The following FNDC3B variants were observed in gnomAD, a reference collection of about 807,000 sequenced individuals.
FNDC3B encodes the protein fibronectin type III domain-containing protein 3B.
In FNDC3B, 12 loss-of-function variants were observed where a neutral mutation model predicts 151.5. The observed-to-expected ratio is 0.08, with a 90% CI of 0.05 to 0.13. The LOEUF (loss-of-function observed/expected upper bound fraction) is 0.13. Among genes scored for constraint, FNDC3B ranks in the 10% least tolerant of loss-of-function variants. The pLI, the probability that FNDC3B is intolerant of heterozygous loss-of-function variation, is 1.00. For synonymous variants in FNDC3B, 528 were observed against 549.0 expected, an observed-to-expected ratio of 0.96 and a Z score of 0.54; for missense variants, 1,214 against 1,505.3, an observed-to-expected ratio of 0.81 and a Z score of 3.20.
chr3:172,306,680 T>A (rs989018338), intron 9 of FNDC3B, among the ~76,000 whole-genome samples: 2 of 152,222 alleles, frequency 1.3e-5, no homozygotes, highest in African/African-American at 4.8e-5. Context: ...TCATGGCTTC[T>A]CTGGAGAAAT....
chr3:172,376,729 C>T (rs569881379), intron 23 of FNDC3B, among the ~76,000 whole-genome samples: 1 of 151,916 alleles, frequency 6.6e-6, no homozygotes, highest in African/African-American at 2.4e-5. Context: ...CTTCCTTACA[C>T]AGCAAAGCAG....
In FNDC3B at chr3:172,382,764, G is replaced by T. The variant is rs546351768; in HGVS notation, c.3303+1671G>T. On this transcript the variant is annotated intron_variant, in intron 25 of 25. Transcript: ENST00000415807. ...TCTTGTTTTTGTCAGGTTTGTCAAA[G>T]ATCAGATGGTTGTAGATGTGTGGTG... Among the ~76,000 whole-genome samples the T allele has an allele frequency of 7.2e-5, 11 of 152,296 alleles. No homozygotes were observed. The South Asian group carries it at 2.3e-3, about 32-fold the overall frequency.
chr3:172,381,830 A>G (rs973751936), intron 25 of FNDC3B, among the ~76,000 whole-genome samples: 5 of 152,132 alleles, frequency 3.3e-5, no homozygotes, highest in African/African-American at 1.2e-4. Context: ...ACAGTATTCC[A>G]TGGTGTATAT....
At chr3:172,215,160 G>A (rs1725913244) in intron 3 of FNDC3B, among the ~76,000 whole-genome samples, 1 of 152,186 alleles carries the variant, frequency 6.6e-6, no homozygotes, top group Non-Finnish European at 1.5e-5. Context: ...CATGACCTAG[G>A]AATTGTAAAG....
chr3:172,084,465 A>G (rs1422950298), intron 1 of FNDC3B, among the ~76,000 whole-genome samples: 1 of 149,044 alleles, frequency 6.7e-6, no homozygotes, highest in African/African-American at 2.5e-5. Flanking sequence ...AAAAATATGT[A>G]TATGTATACA....
intron 4 of FNDC3B, among the ~76,000 whole-genome samples, chr3:172,228,091 G>C (rs1301662695): frequency 1.3e-5 from 2 of 151,708 alleles, no homozygotes; most frequent in Admixed American, 6.6e-5. Context: ...TTCTTACTGA[G>C]TTACTTACTT....
intron 1 of FNDC3B, among the ~76,000 whole-genome samples, chr3:172,067,712 C>T (rs891397659): frequency 2.6e-5 from 4 of 152,032 alleles, no homozygotes; most frequent in Admixed American, 1.3e-4. Context: ...ACTTAACAGG[C>T]CCATTAAGAA....
chr3:172,350,858 A>T (rs2108322095), intron 21 of FNDC3B, among the ~76,000 whole-genome samples: 2 of 152,322 alleles, frequency 1.3e-5, no homozygotes, highest in South Asian at 4.1e-4. Context: ...AAAAACAAAA[A>T]ACAAAACAAA....
chr3:172,059,430 A>G (rs1276818320), intron 1 of FNDC3B, among the ~76,000 whole-genome samples: 1 of 152,174 alleles, frequency 6.6e-6, no homozygotes. Flanking sequence ...AAGCTTATAT[A>G]TAAAGGACTT....
At chr3:172,174,900 T>C (rs1419414128) in intron 3 of FNDC3B, among the ~76,000 whole-genome samples, 1 of 144,134 alleles carries the variant, frequency 6.9e-6, no homozygotes, top group Non-Finnish European at 1.5e-5. Flanking sequence ...AAATTGCTGA[T>C]TCTCTGTGGA....
intron 4 of FNDC3B, chr3:172,237,198 C>G (rs1297105680): frequency 1.3e-5 from 2 of 152,408 alleles, no homozygotes; most frequent in East Asian, 3.9e-4. Context: ...CCAGTACCTT[C>G]AGTACCTTCA....
At chr3:172,316,021 T>TA in intron 11 of FNDC3B, among the ~76,000 whole-genome samples, 1 of 148,024 alleles carries the variant, frequency 6.8e-6, no homozygotes, top group Non-Finnish European at 1.5e-5. Flanking sequence ...TTTTTTTTTT[T>TA]TTTGAGATGG....
intron 3 of FNDC3B, among the ~76,000 whole-genome samples, chr3:172,175,151 G>GTC (rs139650604): frequency 1.3e-5 from 2 of 151,858 alleles, no homozygotes; most frequent in Non-Finnish European, 2.9e-5. Context: ...CCTTGCCGTT[G>GTC]TCTCTCTCAG....
intron 6 of FNDC3B, among the ~76,000 whole-genome samples, chr3:172,263,166 T>C (rs914470273): frequency 2.0e-5 from 3 of 151,504 alleles, no homozygotes; most frequent in Non-Finnish European, 4.4e-5. Flanking sequence ...AATTACCTCA[T>C]GAAAGCAACA....
intron 3 of FNDC3B, among the ~76,000 whole-genome samples, chr3:172,157,398 C>T (rs1227352370): frequency 6.6e-6 from 1 of 152,000 alleles, no homozygotes; most frequent in East Asian, 1.9e-4. Flanking sequence ...ATGGTAACAT[C>T]TTGCATAACT....
At chr3:172,061,600 T>G (rs183291524) in intron 1 of FNDC3B, among the ~76,000 whole-genome samples, 59 of 152,344 alleles carry the variant, frequency 3.9e-4, no homozygotes, top group African/African-American at 1.4e-3. Flanking sequence ...TGAAGCAGAT[T>G]CTTTTCCTAA....
intron 4 of FNDC3B, among the ~76,000 whole-genome samples, chr3:172,246,943 C>T (rs1408534358): frequency 6.6e-6 from 1 of 152,162 alleles, no homozygotes; most frequent in Admixed American, 6.5e-5. Context: ...GTCAGAATCC[C>T]TCATTTCATC....
rs746738069 is a variant in FNDC3B, at chr3:172,329,084, G to GT, written c.1379+11dup. On this transcript the variant is annotated intron_variant, in intron 12 of 25. Coordinates refer to ENST00000415807, the MANE Select transcript of FNDC3B (RefSeq NM_022763.4). ...AAACGACATTGGTACCAGGTATGACGTTTCCTTGTCCTCTTGCCCTTCAGC... is the reference window on the plus strand; with the variant it reads ...AAACGACATTGGTACCAGGTATGACGTTTTCCTTGTCCTCTTGCCCTTCAGC... 1 of 1,607,216 alleles carries GT rather than the reference G, an allele frequency of 6.2e-7. No homozygotes were observed.
intron 6 of FNDC3B, among the ~76,000 whole-genome samples, chr3:172,283,283 C>CT (rs1299424710): frequency 6.6e-6 from 1 of 151,668 alleles, no homozygotes; most frequent in Non-Finnish European, 1.5e-5. Flanking sequence ...TCTATTTTTT[C>CT]TTTTTTTCTG....
Sources: gnomAD v4.1 joint callset for allele counts (sites outside exome capture counted in the v4.1 genomes callset) on GRCh38, gnomAD v4.1.1 for gene constraint, MANE v1.5 for transcripts, NCBI Gene and HGNC (gene_info 2026-07-23, HGNC 2026-07-21) for gene names.